ANKS1B: variants seen among roughly 807,000 people sequenced by gnomAD.
ANKS1B encodes the protein ankyrin repeat and sterile alpha motif domain containing 1B.
ANKS1B carries 36 observed loss-of-function variants against 148.3 expected under a neutral mutation model. The observed-to-expected ratio is 0.24, with a 90% confidence interval of 0.19 to 0.32. ANKS1B has a LOEUF of 0.32. Ranked by LOEUF, ANKS1B falls within the 10% of genes least tolerant of loss-of-function variation. The pLI, the probability that ANKS1B is intolerant of heterozygous loss-of-function variation, is 1.00. For missense variants in ANKS1B, 1,157 were observed against 1,542.6 expected, an observed-to-expected ratio of 0.75 and a Z score of 4.19; for synonymous variants, 542 against 560.8, an observed-to-expected ratio of 0.97 and a Z score of 0.47.
At chr12:98,746,353 G>A (rs1456414234) in intron 26 of ANKS1B, among the ~76,000 whole-genome samples, 4 of 152,010 alleles carry the variant, frequency 2.6e-5, no homozygotes, top group South Asian at 2.1e-4. Flanking sequence ...CTTCCTGCCC[G>A]CCAAGCCCAC....
intron 12 of ANKS1B, among the ~76,000 whole-genome samples, chr12:99,366,349 T>C (rs545004826): frequency 4.3e-4 from 66 of 152,330 alleles, no homozygotes; most frequent in South Asian, 6.2e-4. Context: ...AGGACACTAA[T>C]GGCTTCTTGC....
Position 99,399,662 on chromosome 12 carries a change from T to C in ANKS1B, c.1725A>G (p.Thr575=). The change falls in exon 12 of 27, where the codon ACA becomes ACG. Residue 575 remains threonine (T), a synonymous_variant. Transcript: ENST00000683438. ...GGTTAGTTCCCTCATTCTTGACTTC[T>C]GTGGTTCCCACAGAAGAGGTGGGTG... ...ASPPTSSVGT[T]EVKNEGTNHT... is the part of the protein sequence containing the mutation. 2.5e-6 allele frequency: 4 copies of C among 1,613,450 alleles called. No homozygotes were observed. The highest frequency in any genetic ancestry group is 1.3e-5 in the African/African-American group (1 of 75,026).
chr12:99,579,013 G>A (rs559397372), intron 9 of ANKS1B, among the ~76,000 whole-genome samples: 17 of 151,960 alleles, frequency 1.1e-4, no homozygotes, highest in African/African-American at 3.1e-4. Flanking sequence ...ACAGACCAAC[G>A]GAACAGATTA....
intron 16 of ANKS1B, among the ~76,000 whole-genome samples, chr12:99,069,230 C>T (rs116108500): frequency 3.9e-5 from 6 of 152,204 alleles, no homozygotes; most frequent in South Asian, 2.1e-4. Flanking sequence ...TGCTGGGTCT[C>T]GGGACACAAG....
In ANKS1B at chr12:99,315,800, C is replaced by A. The variant is rs188727154; in HGVS notation, c.1757-68936G>T. Among the ~76,000 whole-genome samples the A allele has an allele frequency of 3.3e-3, 495 of 152,178 alleles. 1 individual carries two copies. The highest frequency in any genetic ancestry group is 0.012 in the African/African-American group (486 of 41,520). On this transcript the variant is annotated intron_variant, in intron 12 of 26. Coordinates refer to ENST00000683438, the MANE Select transcript of ANKS1B (RefSeq NM_001352186.2). The stretch of plus-strand genomic sequence containing the variant: ...CTCATCATTTACATTAGGTATATCT[C>A]CTAATGCTATCCCTCCCCTCTCCCC...
chr12:99,665,846 A>T (rs1041186372), intron 8 of ANKS1B, among the ~76,000 whole-genome samples: 3 of 152,074 alleles, frequency 2.0e-5, no homozygotes, highest in African/African-American at 7.2e-5. Context: ...TTCTAGACAT[A>T]CCTCCTTTGT....
chr12:99,725,199 G>A (rs1346636402), intron 8 of ANKS1B, among the ~76,000 whole-genome samples: 1 of 152,164 alleles, frequency 6.6e-6, no homozygotes, highest in Non-Finnish European at 1.5e-5. Flanking sequence ...CCAGTTAAAA[G>A]ACACAGACTG....
intron 14 of ANKS1B, among the ~76,000 whole-genome samples, chr12:99,206,004 G>A (rs2082624219): frequency 6.6e-6 from 1 of 152,210 alleles, no homozygotes; most frequent in African/African-American, 2.4e-5. Context: ...AATTTGATCA[G>A]TGGGCATGAT....
intron 19 of ANKS1B, among the ~76,000 whole-genome samples, chr12:98,824,133 A>G (rs1324446193): frequency 2.0e-5 from 3 of 152,252 alleles, no homozygotes; most frequent in East Asian, 1.9e-4. Flanking sequence ...TGTTATTACC[A>G]TATGATATTT....
At chr12:99,829,043 A>C (rs1211260308) in intron 1 of ANKS1B, among the ~76,000 whole-genome samples, 1 of 152,192 alleles carries the variant, frequency 6.6e-6, no homozygotes, top group East Asian at 1.9e-4. Flanking sequence ...AAAAAAAGGC[A>C]AAGATATAGA....
intron 11 of ANKS1B, among the ~76,000 whole-genome samples, chr12:99,407,255 C>A (rs1431438495): frequency 6.9e-6 from 1 of 145,550 alleles, no homozygotes; most frequent in South Asian, 2.1e-4. Flanking sequence ...TACAACATAC[C>A]AGCAAAATTA....
chr12:99,832,771 CA>C (rs199933590), intron 1 of ANKS1B, among the ~76,000 whole-genome samples: 9 of 136,364 alleles, frequency 6.6e-5, no homozygotes, highest in South Asian at 2.3e-4. Context: ...AAATGCCCAG[CA>C]AAAAAAAAAT....
chr12:99,493,991 G>A (rs2096579045), intron 10 of ANKS1B, among the ~76,000 whole-genome samples: 1 of 152,112 alleles, frequency 6.6e-6, no homozygotes, highest in Non-Finnish European at 1.5e-5. Flanking sequence ...GACTGTTTAC[G>A]AGCCTTGAGG....
intron 1 of ANKS1B, among the ~76,000 whole-genome samples, chr12:99,963,461 A>T (rs1461624960): frequency 1.3e-5 from 2 of 152,222 alleles, no homozygotes; most frequent in Non-Finnish European, 2.9e-5. Context: ...GAGAGCAGGA[A>T]CTGGTAATAG....
At chr12:99,192,953 A>G (rs2080929422) in intron 14 of ANKS1B, among the ~76,000 whole-genome samples, 1 of 152,174 alleles carries the variant, frequency 6.6e-6, no homozygotes, top group Non-Finnish European at 1.5e-5. Context: ...ATTGCAAGCT[A>G]AAATCTTTTA....
At chr12:99,498,997 A>T (rs1347055209) in intron 10 of ANKS1B, among the ~76,000 whole-genome samples, 1 of 152,154 alleles carries the variant, frequency 6.6e-6, no homozygotes, top group Non-Finnish European at 1.5e-5. Flanking sequence ...TTGATGCAAA[A>T]CCTAAACTAT....
At chr12:99,205,266 A>C (rs1238014282) in intron 14 of ANKS1B, among the ~76,000 whole-genome samples, 2 of 152,168 alleles carry the variant, frequency 1.3e-5, no homozygotes, top group African/African-American at 4.8e-5. Context: ...ACATTTAAAC[A>C]ATCAGTCTGC....
chr12:99,209,568 G>C (rs1601697339), intron 14 of ANKS1B, among the ~76,000 whole-genome samples: 1 of 152,144 alleles, frequency 6.6e-6, no homozygotes, highest in African/African-American at 2.4e-5. Context: ...CAAGAAACAA[G>C]TCTCATGCTT....
intron 17 of ANKS1B, among the ~76,000 whole-genome samples, chr12:99,032,241 T>A (rs1422433325): frequency 6.6e-6 from 1 of 152,216 alleles, no homozygotes; most frequent in Non-Finnish European, 1.5e-5. Flanking sequence ...ACAGCTTCTG[T>A]TACAAGAATA....
Sources: gnomAD v4.1 joint callset for allele counts (sites outside exome capture counted in the v4.1 genomes callset) on GRCh38, gnomAD v4.1.1 for gene constraint, MANE v1.5 for transcripts, NCBI Gene and HGNC (gene_info 2026-07-23, HGNC 2026-07-21) for gene names.